The following NPAS3 variants were observed in gnomAD, a reference collection of about 807,000 sequenced individuals.
NPAS3 encodes neuronal PAS domain protein 3.
In NPAS3, 14 loss-of-function variants were observed where a neutral mutation model predicts 73.1. The ratio of observed to expected loss-of-function variants is 0.19; its 90% CI spans 0.13 to 0.30. NPAS3 has a LOEUF of 0.30. Ranked by LOEUF, NPAS3 falls within the 10% of genes least tolerant of loss-of-function variation. The pLI, the probability that NPAS3 is intolerant of heterozygous loss-of-function variation, is 1.00. For missense variants in NPAS3, 1,096 were observed against 1,250.0 expected (o/e 0.88, Z 1.86); for synonymous variants, 620 against 541.5 (o/e 1.14, Z -2.01).
intron 3 of NPAS3, among the ~76,000 whole-genome samples, chr14:33,312,803 G>T (rs1222611987): frequency 6.6e-6 from 1 of 151,778 alleles, no homozygotes; most frequent in African/African-American, 2.4e-5. Flanking sequence ...AAAAGCCTTA[G>T]AGAGAGATAC....
chr14:33,615,995 G>A (rs2057904401), intron 5 of NPAS3, among the ~76,000 whole-genome samples: 1 of 152,138 alleles, frequency 6.6e-6, no homozygotes, highest in African/African-American at 2.4e-5. Flanking sequence ...AAGTCCATTT[G>A]CCCTTTACAA....
intron 3 of NPAS3, among the ~76,000 whole-genome samples, chr14:33,254,796 T>C (rs927873503): frequency 6.6e-6 from 1 of 152,108 alleles, no homozygotes; most frequent in African/African-American, 2.4e-5. Context: ...AATTATCAAA[T>C]ATGAAATGAC....
At chr14:33,377,125 T>G (rs2046345677) in intron 4 of NPAS3, among the ~76,000 whole-genome samples, 1 of 152,242 alleles carries the variant, frequency 6.6e-6, no homozygotes, top group Admixed American at 6.5e-5. Context: ...AGTTCAGGTT[T>G]AGTTCAGAGT....
At chr14:33,157,301 T>C (rs570118355) in intron 2 of NPAS3, among the ~76,000 whole-genome samples, 1 of 152,356 alleles carries the variant, frequency 6.6e-6, no homozygotes, top group South Asian at 2.1e-4. Flanking sequence ...AGAACTCTTC[T>C]TTATCAGAGA....
At chr14:33,317,089 A>C (rs1428787985) in intron 3 of NPAS3, among the ~76,000 whole-genome samples, 1 of 152,130 alleles carries the variant, frequency 6.6e-6, no homozygotes, top group Non-Finnish European at 1.5e-5. Flanking sequence ...GATTTAAGGA[A>C]GCCAAACAGG....
intron 6 of NPAS3, among the ~76,000 whole-genome samples, chr14:33,733,313 GA>G (rs58483708): frequency 0.028 from 3,859 of 139,626 alleles, 150 homozygotes; most frequent in African/African-American, 0.088. Context: ...TCCTTGGGAG[GA>G]AAAAAAAAAA....
intron 3 of NPAS3, among the ~76,000 whole-genome samples, chr14:33,358,350 G>A (rs377512736): frequency 8.5e-5 from 13 of 152,184 alleles, no homozygotes; most frequent in African/African-American, 3.1e-4. Context: ...CCCCAAGAAG[G>A]CACTGTAGGT....
intron 2 of NPAS3, among the ~76,000 whole-genome samples, chr14:33,159,032 G>T (rs376239739): frequency 9.2e-5 from 14 of 151,974 alleles, no homozygotes; most frequent in Non-Finnish European, 1.9e-4. Flanking sequence ...GCATGGTGGC[G>T]CATGCCTGTA....
At chr14:33,706,644 A>G (rs1019098347) in intron 6 of NPAS3, among the ~76,000 whole-genome samples, 1 of 152,206 alleles carries the variant, frequency 6.6e-6, no homozygotes, top group African/African-American at 2.4e-5. Context: ...AAGCATTTTC[A>G]AAGTATTATA....
chr14:33,537,640 G>C (rs2054314778), intron 4 of NPAS3, among the ~76,000 whole-genome samples: 1 of 152,186 alleles, frequency 6.6e-6, no homozygotes. Flanking sequence ...AAATGAGCAA[G>C]GTAGTTGAGA....
intron 5 of NPAS3, among the ~76,000 whole-genome samples, chr14:33,643,381 A>T (rs1427280270): frequency 6.9e-5 from 10 of 145,780 alleles, no homozygotes; most frequent in African/African-American, 1.8e-4. Flanking sequence ...AAATTAAAAA[A>T]AAAAAAAAAA....
At chr14:32,992,410 T>A (rs1196624278) in intron 1 of NPAS3, among the ~76,000 whole-genome samples, 2 of 152,200 alleles carry the variant, frequency 1.3e-5, no homozygotes, top group African/African-American at 2.4e-5. Flanking sequence ...GTATTTAATT[T>A]CCAGGTATTT....
intron 1 of NPAS3, among the ~76,000 whole-genome samples, chr14:32,965,763 C>T (rs1186655121): frequency 6.6e-6 from 1 of 152,162 alleles, no homozygotes; most frequent in Non-Finnish European, 1.5e-5. Flanking sequence ...AGAATGAAGT[C>T]AGATTGTTCT....
intron 3 of NPAS3, among the ~76,000 whole-genome samples, chr14:33,328,424 ATCTT>A (rs1426589090): frequency 4.8e-5 from 4 of 82,964 alleles, no homozygotes; most frequent in South Asian, 4.0e-4. Context: ...TGATGTTTTT[ATCTT>A]TCTTTTCCTT....
At chr14:33,801,279 G>C, downstream of NPAS3, 1 of 1,345,226 alleles carries the variant, frequency 7.4e-7, no homozygotes, top group East Asian at 2.5e-5. Context: ...ATTCTTTCGT[G>C]TAAAGATATG....
rs74042034 is a variant in NPAS3 at position 33,324,540 on chromosome 14, C to A, written c.386-42646C>A. On this transcript the variant is annotated intron_variant, in intron 3 of 11. Transcript: ENST00000356141. ...AACGCAGAACCGTTTTGCAAGCTAA[C>A]CTGTTTTATTACTGCGAAAATCTTT... is the stretch of plus-strand genomic sequence containing the variant. Among the ~76,000 whole-genome samples, 905 of 152,196 alleles carry A rather than the reference C, an allele frequency of 5.9e-3. 10 individuals are homozygous for A. Among genetic ancestry groups the A allele is most frequent in the African/African-American group, 0.021 (852 of 41,528 alleles).
chr14:33,542,816 C>T (rs2054583641), intron 4 of NPAS3, among the ~76,000 whole-genome samples: 1 of 152,192 alleles, frequency 6.6e-6, no homozygotes, highest in South Asian at 2.1e-4. Flanking sequence ...TGCAGGGCCA[C>T]AGAGAGCAAG....
At position 33,407,083 on chromosome 14, in the gene NPAS3, A is replaced by G. The variant is rs117633763; in HGVS notation, c.468+39815A>G. On this transcript the variant is annotated intron_variant, in intron 4 of 11. Transcript: ENST00000356141. ...AAACTTGGCTCAAGACCTACAAATT[A>G]TCTGTGGTTGCTAATTGAACTCTTT... Among the ~76,000 whole-genome samples, 1,308 of 152,300 alleles carry G rather than the reference A, an allele frequency of 8.6e-3. 7 individuals are homozygous for G. Among genetic ancestry groups the G allele is most frequent in the Non-Finnish European group, 0.014 (963 of 68,010 alleles).
chr14:33,003,136 G>A (rs1219947191), intron 1 of NPAS3, among the ~76,000 whole-genome samples: 2 of 150,458 alleles, frequency 1.3e-5, no homozygotes, highest in Admixed American at 6.6e-5. Flanking sequence ...TTATATTTCA[G>A]TGTTAGCCCT....
Sources: gnomAD v4.1 joint callset for allele counts (sites outside exome capture counted in the v4.1 genomes callset) on GRCh38, gnomAD v4.1.1 for gene constraint, MANE v1.5 for transcripts, NCBI Gene and HGNC (gene_info 2026-07-23, HGNC 2026-07-21) for gene names.